The following MEGF10 variants were observed in gnomAD, a reference collection of about 807,000 sequenced individuals.
MEGF10 encodes the protein multiple EGF like domains 10, also known as multiple epidermal growth factor-like domains protein 10.
MEGF10 carries 86 observed loss-of-function variants against 147.5 expected under a neutral mutation model. The observed-to-expected ratio is 0.58, with a 90% CI of 0.49 to 0.70. MEGF10 has a LOEUF of 0.70. Among genes scored for constraint, MEGF10 ranks in the 30% least tolerant of loss-of-function variants. The pLI is 0.00. For synonymous variants in MEGF10, 478 were observed against 525.5 expected (o/e 0.91, Z 1.24); for missense variants, 1,329 against 1,487.3 (o/e 0.89, Z 1.75).
At chr5:127,354,832 T>A (rs1319444876) in intron 4 of MEGF10, among the ~76,000 whole-genome samples, 1 of 152,206 alleles carries the variant, frequency 6.6e-6, no homozygotes, top group Non-Finnish European at 1.5e-5. Flanking sequence ...CAGTTTTGTG[T>A]TGGGGATGGG....
At chr5:127,355,033 G>A (rs1486625314) in intron 4 of MEGF10, among the ~76,000 whole-genome samples, 7 of 152,124 alleles carry the variant, frequency 4.6e-5, no homozygotes, top group Non-Finnish European at 5.9e-5. Flanking sequence ...TATCATTTTG[G>A]TCTTTTCCTG....
intron 5 of MEGF10, among the ~76,000 whole-genome samples, chr5:127,380,110 C>T (rs1763194661): frequency 1.3e-5 from 2 of 151,134 alleles, no homozygotes; most frequent in African/African-American, 4.9e-5. Context: ...GGATGTAAGC[C>T]CCATGAAAAC....
At chr5:127,449,730 G>C (rs545159317) in intron 22 of MEGF10, among the ~76,000 whole-genome samples, 1 of 152,180 alleles carries the variant, frequency 6.6e-6, no homozygotes, top group Admixed American at 6.5e-5. Flanking sequence ...TCCCTTTCAG[G>C]TGAGGAATCA....
the MEGF10 span, among the ~76,000 whole-genome samples, chr5:127,246,454 C>T: frequency 3.3e-4 from 50 of 151,616 alleles, no homozygotes; most frequent in African/African-American, 9.4e-4. Context: ...GGGCCTGTTG[C>T]GGGGTGGGGA....
chr5:127,441,045 C>CG (rs1765739122), intron 18 of MEGF10, among the ~76,000 whole-genome samples, 178 bp downstream of exon 18: 1 of 152,188 alleles, frequency 6.6e-6, no homozygotes, highest in Admixed American at 6.5e-5. Flanking sequence ...CTGGGATCAT[C>CG]GCTGGTTACT....
chr5:127,273,865 G>A, the MEGF10 span, among the ~76,000 whole-genome samples: 98 of 152,198 alleles, frequency 6.4e-4, no homozygotes, highest in African/African-American at 2.3e-3. Flanking sequence ...GGCATTAGCC[G>A]CATGTAATAT....
At chr5:127,276,576 T>C in the MEGF10 span, among the ~76,000 whole-genome samples, 1 of 152,204 alleles carries the variant, frequency 6.6e-6, no homozygotes, top group Non-Finnish European at 1.5e-5. Flanking sequence ...TTAAAAAGAA[T>C]TTCCTACTTA....
the MEGF10 span, among the ~76,000 whole-genome samples, chr5:127,269,266 G>A: frequency 6.6e-6 from 1 of 152,222 alleles, no homozygotes; most frequent in Non-Finnish European, 1.5e-5. Context: ...GAAAGAAGAA[G>A]GCTTCAGACG....
chr5:127,361,289 A>T (rs962554936), intron 4 of MEGF10, among the ~76,000 whole-genome samples: 5 of 151,902 alleles, frequency 3.3e-5, no homozygotes, highest in Non-Finnish European at 7.4e-5. Flanking sequence ...TCTTCATTTC[A>T]TCTAGGTTAT....
At chr5:127,350,833 T>G (rs1255032280) in intron 4 of MEGF10, among the ~76,000 whole-genome samples, 1 of 152,170 alleles carries the variant, frequency 6.6e-6, no homozygotes, top group East Asian at 1.9e-4. Flanking sequence ...GGTGTATATA[T>G]TTATGGAGTG....
At chr5:127,282,159 T>C in the MEGF10 span, among the ~76,000 whole-genome samples, 11 of 152,152 alleles carry the variant, frequency 7.2e-5, no homozygotes, top group Non-Finnish European at 1.6e-4. Context: ...TTCTCTTGCT[T>C]CCCCCTCCAT....
chr5:127,347,077 T>C (rs908522559), intron 4 of MEGF10, among the ~76,000 whole-genome samples: 1 of 152,122 alleles, frequency 6.6e-6, no homozygotes, highest in South Asian at 2.1e-4. Flanking sequence ...ATGTCAGTAC[T>C]CAAAATATTT....
intron 1 of MEGF10, among the ~76,000 whole-genome samples, chr5:127,292,185 CA>C (rs745704259): frequency 1.3e-5 from 2 of 152,128 alleles, no homozygotes; most frequent in Non-Finnish European, 2.9e-5. Context: ...ACTGAGAGTT[CA>C]AAGAGTTCAG....
chr5:127,400,742 G>T (rs931592962), intron 7 of MEGF10, among the ~76,000 whole-genome samples: 4 of 152,158 alleles, frequency 2.6e-5, no homozygotes, highest in African/African-American at 9.7e-5. Context: ...ACAGGCTTGG[G>T]TTATGAGTCC....
intron 4 of MEGF10, among the ~76,000 whole-genome samples, chr5:127,368,893 G>A (rs982610076): frequency 3.9e-5 from 6 of 152,062 alleles, no homozygotes; most frequent in African/African-American, 1.4e-4. Context: ...CTATTTTTTT[G>A]AGGAGAAAAA....
upstream of MEGF10, among the ~76,000 whole-genome samples, chr5:127,290,454 G>A (rs1443167447): frequency 6.6e-6 from 1 of 152,154 alleles, no homozygotes; most frequent in Non-Finnish European, 1.5e-5. Flanking sequence ...CTCTGCCGAG[G>A]GACTTGCACC....
chr5:127,297,967 T>A (rs917179297), intron 1 of MEGF10, among the ~76,000 whole-genome samples: 1 of 152,288 alleles, frequency 6.6e-6, no homozygotes, highest in East Asian at 1.9e-4. Context: ...TGGATCTGAA[T>A]TCATATTTTC....
chr5:127,263,072 T>C, the MEGF10 span, among the ~76,000 whole-genome samples: 1 of 152,210 alleles, frequency 6.6e-6, no homozygotes, highest in Non-Finnish European at 1.5e-5. Context: ...TATGAGGTGT[T>C]GTCTACCTTT....
At chr5:127,277,539 T>G in the MEGF10 span, among the ~76,000 whole-genome samples, 3 of 152,206 alleles carry the variant, frequency 2.0e-5, no homozygotes, top group African/African-American at 7.2e-5. Context: ...CTGTGAACAC[T>G]TTGACTCTAA....
Sources: gnomAD v4.1 joint callset for allele counts (sites outside exome capture counted in the v4.1 genomes callset) on GRCh38, gnomAD v4.1.1 for gene constraint, MANE v1.5 for transcripts, NCBI Gene and HGNC (gene_info 2026-07-23, HGNC 2026-07-21) for gene names.